The following ANGPT1 variants were observed in gnomAD, a reference collection of about 807,000 sequenced individuals.
The protein encoded by ANGPT1 is angiopoietin 1.
In ANGPT1, 17 loss-of-function variants were observed where a neutral mutation model predicts 62.2. That is an observed-to-expected ratio of 0.27 (90% confidence interval 0.19 to 0.41). ANGPT1 has a LOEUF of 0.41. Among genes scored for constraint, ANGPT1 ranks in the 10% least tolerant of loss-of-function variants. The pLI is 1.00. For synonymous variants in ANGPT1, 199 were observed against 198.9 expected (o/e 1.00, Z 0.00); for missense variants, 478 against 594.9 (o/e 0.80, Z 2.04).
At chr8:107,368,011 C>T (rs1193437875) in intron 1 of ANGPT1, among the ~76,000 whole-genome samples, 1 of 152,176 alleles carries the variant, frequency 6.6e-6, no homozygotes, top group East Asian at 1.9e-4. Context: ...AATGTTCTTA[C>T]TGGCTTCTAG....
At chr8:107,276,400 G>C (rs2130095528) in intron 7 of ANGPT1, among the ~76,000 whole-genome samples, 1 of 151,930 alleles carries the variant, frequency 6.6e-6, no homozygotes, top group South Asian at 2.1e-4. Flanking sequence ...TTTCCTCTTA[G>C]TATTTCAACA....
chr8:107,400,842 G>C (rs1286668141), intron 1 of ANGPT1, among the ~76,000 whole-genome samples: 5 of 151,036 alleles, frequency 3.3e-5, no homozygotes, highest in Non-Finnish European at 7.4e-5. Context: ...TTACAAGCGT[G>C]AGCCACCGTG....
rs554942845 is a variant in ANGPT1, at chr8:107,471,825, A to G, written c.297+25437T>C. Among the ~76,000 whole-genome samples the G allele has an allele frequency of 6.6e-5, 10 of 152,220 alleles. No individual in the cohort carries two copies. In the South Asian group the frequency reaches 2.1e-3, roughly 32 times the overall value. Reference sequence around the variant, plus strand: ...TAAGGTCTGTAGAAATCCATTGCATACCACAACCATACTTGTCTATCAAAT... The same window carrying G: ...TAAGGTCTGTAGAAATCCATTGCATGCCACAACCATACTTGTCTATCAAAT... On this transcript the variant is annotated intron_variant, in intron 1 of 8. Transcript: ENST00000517746.
At chr8:107,363,705 A>T (rs558281521) in intron 1 of ANGPT1, among the ~76,000 whole-genome samples, 2 of 152,332 alleles carry the variant, frequency 1.3e-5, no homozygotes, top group East Asian at 3.9e-4. Context: ...AATGGGAAGA[A>T]TGGGATTAAA....
At chr8:107,461,556 A>C (rs891950534) in intron 1 of ANGPT1, among the ~76,000 whole-genome samples, 63 of 151,488 alleles carry the variant, frequency 4.2e-4, no homozygotes, top group Non-Finnish European at 2.1e-4. Flanking sequence ...TGACACAACC[A>C]CTGGTGTCCT....
intron 1 of ANGPT1, among the ~76,000 whole-genome samples, chr8:107,448,834 A>G (rs1811687461): frequency 6.6e-6 from 1 of 152,210 alleles, no homozygotes; most frequent in Admixed American, 6.5e-5. Flanking sequence ...TGCATTAGTA[A>G]GTAAGGAAAG....
At chr8:107,345,130 C>T (rs1247648778) in intron 2 of ANGPT1, among the ~76,000 whole-genome samples, 1 of 152,160 alleles carries the variant, frequency 6.6e-6, no homozygotes. Flanking sequence ...TCCTTTTCTA[C>T]TTCCCTCTCA....
chr8:107,347,468 A>G (rs971348879), intron 1 of ANGPT1, among the ~76,000 whole-genome samples: 2 of 152,162 alleles, frequency 1.3e-5, no homozygotes, highest in African/African-American at 2.4e-5. Flanking sequence ...TGATAAACCC[A>G]AGGTTGACCA....
intron 1 of ANGPT1, among the ~76,000 whole-genome samples, chr8:107,448,185 A>C (rs1273654233): frequency 2.6e-5 from 4 of 152,246 alleles, no homozygotes; most frequent in African/African-American, 9.6e-5. Context: ...AGGTAATTAC[A>C]TATAAGGACT....
intron 4 of ANGPT1, among the ~76,000 whole-genome samples, chr8:107,303,617 TC>T (rs1814647545): frequency 1.3e-5 from 2 of 151,692 alleles, no homozygotes; most frequent in African/African-American, 4.8e-5. Context: ...ATTTCTTAAT[TC>T]TTTTTTTTCT....
chr8:107,295,190 A>T (rs577959117), intron 5 of ANGPT1: 1 of 152,246 alleles, frequency 6.6e-6, no homozygotes, highest in African/African-American at 2.4e-5. Context: ...GGGCATATGA[A>T]ATAGGACAAC....
intron 1 of ANGPT1, among the ~76,000 whole-genome samples, chr8:107,371,573 CTTTTTTTTTTTTTT>C (rs5893851): frequency 9.8e-6 from 1 of 102,146 alleles, no homozygotes; most frequent in Non-Finnish European, 1.9e-5. Context: ...GCTGAGCATT[CTTTTTTTTTTTTTT>C]TTTTTTTTGG....
At chr8:107,308,785 T>C (rs963147410) in intron 4 of ANGPT1, among the ~76,000 whole-genome samples, 6 of 152,150 alleles carry the variant, frequency 3.9e-5, no homozygotes, top group African/African-American at 1.2e-4. Flanking sequence ...TCTAAAGGGA[T>C]AGAATAGAGA....
At chr8:107,375,695 T>C (rs1261528988) in intron 1 of ANGPT1, among the ~76,000 whole-genome samples, 17 of 152,070 alleles carry the variant, frequency 1.1e-4, no homozygotes, top group Admixed American at 1.1e-3. Flanking sequence ...AAGGGTGGGA[T>C]TGGGCACCTC....
At chr8:107,448,293 G>A (rs1043033904) in intron 1 of ANGPT1, among the ~76,000 whole-genome samples, 9 of 152,152 alleles carry the variant, frequency 5.9e-5, no homozygotes, top group Non-Finnish European at 5.9e-5. Flanking sequence ...AAACTAATGA[G>A]ATACTCTTCT....
At chr8:107,356,837 G>C (rs946721281) in intron 1 of ANGPT1, among the ~76,000 whole-genome samples, 1 of 152,200 alleles carries the variant, frequency 6.6e-6, no homozygotes, top group African/African-American at 2.4e-5. Context: ...CACAGCATCA[G>C]AGTTTTAATA....
chr8:107,296,158 A>G (rs977934670), intron 5 of ANGPT1, among the ~76,000 whole-genome samples: 1 of 152,170 alleles, frequency 6.6e-6, no homozygotes, highest in Non-Finnish European at 1.5e-5. Flanking sequence ...AAATAAGTAA[A>G]GAAAAAGGTG....
At chr8:107,279,878 A>G (rs765913937) in intron 7 of ANGPT1, among the ~76,000 whole-genome samples, 10 of 152,118 alleles carry the variant, frequency 6.6e-5, no homozygotes, top group Non-Finnish European at 1.2e-4. Flanking sequence ...CTACGGGTCA[A>G]TGGGAGCACA....
chr8:107,372,061 T>C (rs1293210706), intron 1 of ANGPT1, among the ~76,000 whole-genome samples: 1 of 152,134 alleles, frequency 6.6e-6, no homozygotes, highest in Non-Finnish European at 1.5e-5. Context: ...TGTATGATAT[T>C]AGGAGTGTTG....
Sources: gnomAD v4.1 joint callset for allele counts (sites outside exome capture counted in the v4.1 genomes callset) on GRCh38, gnomAD v4.1.1 for gene constraint, MANE v1.5 for transcripts, NCBI Gene and HGNC (gene_info 2026-07-23, HGNC 2026-07-21) for gene names.